RALY: variants seen among roughly 807,000 people sequenced by gnomAD.
RALY encodes the protein RALY heterogeneous nuclear ribonucleoprotein, also known as RNA-binding protein Raly.
Under a neutral mutation model 30.7 loss-of-function variants are expected in RALY, and 15 were observed. The observed-to-expected ratio is 0.49, with a 90% confidence interval of 0.33 to 0.75. The LOEUF is 0.75. RALY is among the 30% of genes least tolerant of loss of function. The pLI is 0.02. For missense variants in RALY, 339 were observed against 414.3 expected, an observed-to-expected ratio of 0.82 and a Z score of 1.58; for synonymous variants, 177 against 170.8, an observed-to-expected ratio of 1.04 and a Z score of -0.28.
At chr20:34,062,498 G>A (rs921142632) in intron 2 of RALY, among the ~76,000 whole-genome samples, 1 of 152,220 alleles carries the variant, frequency 6.6e-6, no homozygotes, top group Non-Finnish European at 1.5e-5. Flanking sequence ...GGTAGAAGGG[G>A]CCTGCTCACA....
At chr20:34,060,165 C>T (rs957875911) in intron 2 of RALY, among the ~76,000 whole-genome samples, 4 of 152,114 alleles carry the variant, frequency 2.6e-5, no homozygotes, top group African/African-American at 9.7e-5. Context: ...CAGTTCAGCT[C>T]TAGGTTAATA....
At chr20:34,045,627 C>G (rs1479896167) in intron 2 of RALY, among the ~76,000 whole-genome samples, 3 of 152,208 alleles carry the variant, frequency 2.0e-5, no homozygotes, top group African/African-American at 4.8e-5. Flanking sequence ...TTCCTTTGCT[C>G]TCTGCCATCT....
intron 2 of RALY, chr20:34,033,226 C>G (rs1214386871): frequency 6.6e-6 from 1 of 152,184 alleles, no homozygotes; most frequent in Admixed American, 6.5e-5. Context: ...CATGTGTGTA[C>G]TCCTACCATG....
At chr20:34,038,782 A>G (rs998370521) in intron 2 of RALY, among the ~76,000 whole-genome samples, 1 of 152,212 alleles carries the variant, frequency 6.6e-6, no homozygotes, top group Non-Finnish European at 1.5e-5. Context: ...GTTTGCTCAT[A>G]TACAAAATGG....
At chr20:34,027,260 A>G (rs2032078887) in intron 1 of RALY, among the ~76,000 whole-genome samples, 1 of 152,238 alleles carries the variant, frequency 6.6e-6, no homozygotes, top group Non-Finnish European at 1.5e-5. Flanking sequence ...CCTGGGTTCA[A>G]ATGCTAGCTT....
intron 1 of RALY, among the ~76,000 whole-genome samples, chr20:33,998,167 T>C (rs1391422857): frequency 1.3e-5 from 2 of 152,200 alleles, no homozygotes; most frequent in Non-Finnish European, 2.9e-5. Flanking sequence ...GATTTGGGTT[T>C]GTATAGCGTA....
chr20:34,072,246 G>A lies in RALY; in HGVS notation c.172G>A (p.Ala58Thr). The A allele has an allele frequency of 6.2e-7, 1 of 1,614,236 alleles. No individual in the cohort carries two copies. Among genetic ancestry groups the A allele is most frequent in the Non-Finnish European group, 8.5e-7 (1 of 1,180,058 alleles). ...CGGCTGTTCTGTGCACAAGGGCTATGCCTTTGTTCAGTACTCCAATGAGCG... is the reference window on the plus strand; with the variant it reads ...CGGCTGTTCTGTGCACAAGGGCTATACCTTTGTTCAGTACTCCAATGAGCG... ...VAGCSVHKGY[A>T]FVQYSNERHA... Residue 58 changes from alanine (A) to threonine (T), a missense_variant, in exon 3 of 10, where the codon GCC becomes ACC. Around this residue, in one of 2 missense-constraint regions of RALY, gnomAD observed 71 missense variants for 133.7 expected, o/e 0.53. Coordinates refer to ENST00000246194, the MANE Select transcript of RALY (RefSeq NM_016732.3).
intron 2 of RALY, among the ~76,000 whole-genome samples, chr20:34,055,139 A>G (rs1180443453): frequency 1.3e-5 from 2 of 152,180 alleles, no homozygotes; most frequent in African/African-American, 2.4e-5. Flanking sequence ...CAGAGCTGGG[A>G]TTTGAACCCC....
rs987858819 is a variant in RALY at position 34,005,532 on chromosome 20, G to A, written c.-93+11401G>A. On this transcript the variant is annotated intron_variant, in intron 1 of 9. Coordinates refer to ENST00000246194, the MANE Select transcript of RALY (RefSeq NM_016732.3). ...CAAAAAAAAAAAAAATCTGACCTGGGTTTTAAATGTTAACACAGCCTTGCA... is the reference window on the plus strand; with the variant it reads ...CAAAAAAAAAAAAAATCTGACCTGGATTTTAAATGTTAACACAGCCTTGCA... Among the ~76,000 whole-genome samples, 5 of 151,964 alleles carry A rather than the reference G, an allele frequency of 3.3e-5. 1 individual carries two copies. Among genetic ancestry groups the A allele is most frequent in the African/African-American group, 4.8e-5 (2 of 41,376 alleles).
At chr20:34,003,261 T>C (rs1210472643) in intron 1 of RALY, among the ~76,000 whole-genome samples, 1 of 152,236 alleles carries the variant, frequency 6.6e-6, no homozygotes, top group Non-Finnish European at 1.5e-5. Context: ...TTTTCTCATC[T>C]GTGAAGTGGG....
At chr20:34,021,779 G>C (rs1314986560) in intron 1 of RALY, among the ~76,000 whole-genome samples, 1 of 152,084 alleles carries the variant, frequency 6.6e-6, no homozygotes, top group Non-Finnish European at 1.5e-5. Context: ...GTAGAATATG[G>C]TGAGTAGAAT....
chr20:34,032,259 G>T (rs755206126), intron 2 of RALY, among the ~76,000 whole-genome samples: 4 of 152,130 alleles, frequency 2.6e-5, no homozygotes, highest in Non-Finnish European at 2.9e-5. Flanking sequence ...CACCGCGCCC[G>T]GCCCCGTAGA....
At chr20:34,016,664 A>G (rs1280955136) in intron 1 of RALY, 2 of 152,286 alleles carry the variant, frequency 1.3e-5, no homozygotes, top group Non-Finnish European at 2.9e-5. Context: ...TCTGGACATC[A>G]GCTTTCTCCA....
intron 1 of RALY, among the ~76,000 whole-genome samples, chr20:34,005,785 C>T (rs1179855915): frequency 6.6e-6 from 1 of 152,148 alleles, no homozygotes; most frequent in East Asian, 1.9e-4. Flanking sequence ...TGGGCAACCA[C>T]TGGTCTTTTT....
intron 1 of RALY, among the ~76,000 whole-genome samples, chr20:34,018,381 A>G (rs2031686546): frequency 6.6e-6 from 1 of 152,188 alleles, no homozygotes; most frequent in Admixed American, 6.5e-5. Context: ...GGTTCTTGGC[A>G]TTGGTTTGAA....
intron 1 of RALY, among the ~76,000 whole-genome samples, chr20:34,009,063 G>T (rs6059619): frequency 1.3e-5 from 2 of 152,098 alleles, no homozygotes; most frequent in African/African-American, 4.8e-5. Flanking sequence ...GGGCTATGAA[G>T]GTGACTGGTT....
intron 2 of RALY, among the ~76,000 whole-genome samples, chr20:34,037,869 G>A (rs2032558361): frequency 6.6e-6 from 1 of 152,200 alleles, no homozygotes. Flanking sequence ...GAGACTCATT[G>A]TCTGCCAGTG....
chr20:34,011,319 C>T (rs1377997846), intron 1 of RALY, among the ~76,000 whole-genome samples: 1 of 152,124 alleles, frequency 6.6e-6, no homozygotes, highest in Admixed American at 6.5e-5. Context: ...CATCGCCAGA[C>T]CTCTGACATT....
chr20:34,073,652 G>T lies in RALY; in HGVS notation c.329+17G>T. ...CATATACAGGTGGGGCTGTCTGACT[G>T]TCTGTCTGTCTGGTGGGATGACTCT... On this transcript the variant is annotated intron_variant, in intron 4 of 9. Coordinates refer to ENST00000246194, the MANE Select transcript of RALY (RefSeq NM_016732.3). 2 of 1,566,498 alleles carry T rather than the reference G, an allele frequency of 1.3e-6. No homozygotes were observed. The highest frequency in any genetic ancestry group is 2.7e-5 in the African/African-American group (2 of 73,918).
Sources: gnomAD v4.1 joint callset for allele counts (sites outside exome capture counted in the v4.1 genomes callset) on GRCh38, gnomAD v4.1.1 for gene constraint, gnomAD v4.1.1 regional missense constraint, MANE v1.5 for transcripts, NCBI Gene and HGNC (gene_info 2026-07-23, HGNC 2026-07-21) for gene names.